Variants in TFEC observed in about 807,000 individuals in gnomAD.
TFEC encodes transcription factor EC.
A neutral mutation model predicts 41.6 loss-of-function variants in TFEC; 31 were observed. The observed-to-expected ratio is 0.74, with a 90% confidence interval of 0.56 to 1.01. The LOEUF is 1.01. Ranked by LOEUF, TFEC falls within the 50% of genes least tolerant of loss-of-function variation. The pLI, the probability that TFEC is intolerant of heterozygous loss-of-function variation, is 0.00. For synonymous variants in TFEC, 143 were observed against 140.6 expected (o/e 1.02, Z -0.12); for missense variants, 402 against 404.1 (o/e 0.99, Z 0.04).
In TFEC at chr7:115,940,409, T is replaced by C. The variant is rs536035955; in HGVS notation, c.*142A>G. On this transcript the variant is annotated 3_prime_UTR_variant, in exon 8 of 8. Transcript: ENST00000265440. ...TGATTTTTCTTCCTGCGAATTCTTC[T>C]GTTGCTTCTATCAGTTTTTCATGAA... is the stretch of plus-strand genomic sequence containing the variant. 40 of 893,826 alleles carry C rather than the reference T, an allele frequency of 4.5e-5. No homozygotes were observed. The South Asian group carries it at 8.5e-4, about 19-fold the overall frequency. 55.4% of individuals were successfully genotyped at this position (893,826 alleles called of 1,614,324 possible).
At chr7:116,073,511 G>A (rs1796880070) in intron 3 of TFEC, among the ~76,000 whole-genome samples, 1 of 151,286 alleles carries the variant, frequency 6.6e-6, no homozygotes, top group Admixed American at 6.6e-5. Context: ...GTAGGTTGCA[G>A]CAAACTACCA....
chr7:116,022,368 A>G (rs1795429263), intron 1 of TFEC, among the ~76,000 whole-genome samples: 1 of 152,198 alleles, frequency 6.6e-6, no homozygotes, highest in Non-Finnish European at 1.5e-5. Flanking sequence ...ATGCAGTCTA[A>G]TGCATGTTAA....
chr7:116,079,985 A>G (rs1797050745), intron 3 of TFEC, among the ~76,000 whole-genome samples: 1 of 152,180 alleles, frequency 6.6e-6, no homozygotes. Context: ...AAATAGGCAC[A>G]TAGACCAATG....
At chr7:116,125,330 C>A (rs1798187516) in intron 1 of TFEC, among the ~76,000 whole-genome samples, 1 of 152,070 alleles carries the variant, frequency 6.6e-6, no homozygotes, top group African/African-American at 2.4e-5. Context: ...TTAGTTCATT[C>A]CTTTTAGTAT....
At chr7:116,050,810 G>A (rs1056407633) in intron 3 of TFEC, among the ~76,000 whole-genome samples, 3 of 152,152 alleles carry the variant, frequency 2.0e-5, no homozygotes, top group Non-Finnish European at 4.4e-5. Context: ...TATACCCAAA[G>A]GACTATAAAT....
intron 1 of TFEC, among the ~76,000 whole-genome samples, chr7:116,126,940 T>C (rs1436415962): frequency 6.6e-6 from 1 of 152,154 alleles, no homozygotes; most frequent in African/African-American, 2.4e-5. Context: ...ATAAATTAAA[T>C]AAATAAATAT....
chr7:116,028,069 G>A (rs1026564185), intron 1 of TFEC, among the ~76,000 whole-genome samples: 2 of 152,112 alleles, frequency 1.3e-5, no homozygotes, highest in African/African-American at 4.8e-5. Flanking sequence ...GTCACCTGAG[G>A]AGATTCTACA....
At chr7:116,043,154 G>A (rs1222212109) in intron 3 of TFEC, among the ~76,000 whole-genome samples, 1 of 152,110 alleles carries the variant, frequency 6.6e-6, no homozygotes, top group Non-Finnish European at 1.5e-5. Flanking sequence ...ATGCATTAAA[G>A]CAACAATATC....
At chr7:116,156,421 T>C (rs1798872060) in intron 1 of TFEC, among the ~76,000 whole-genome samples, 1 of 152,180 alleles carries the variant, frequency 6.6e-6, no homozygotes, top group South Asian at 2.1e-4. Flanking sequence ...GTCCTACTTC[T>C]AAGATTATAA....
rs544086100 is a variant in TFEC at position 115,956,767 on chromosome 7, A to G, written c.294T>C (p.Tyr98=). 29 of 1,592,374 alleles carry G rather than the reference A, an allele frequency of 1.8e-5. No homozygotes were observed. The East Asian group carries it at 2.0e-4, about 11-fold the overall frequency. Residue 98 remains tyrosine, a synonymous_variant, in exon 4 of 8, where the codon TAT becomes TAC. Coordinates refer to ENST00000265440, the MANE Select transcript of TFEC (RefSeq NM_012252.4). The part of the protein sequence containing the change: ...RTLSGSILDV[Y]SGEQGISPIN... ...TTGGTGAAATTCCTTGTTCACCGCT[A>G]TACACATCCAAAATACTTCCAGATA... is the stretch of plus-strand genomic sequence containing the variant.
At chr7:116,131,811 C>T (rs1798338676) in intron 1 of TFEC, among the ~76,000 whole-genome samples, 1 of 152,062 alleles carries the variant, frequency 6.6e-6, no homozygotes, top group African/African-American at 2.4e-5. Context: ...GTATCCATTG[C>T]AATAATGATT....
chr7:115,973,978 A>T (rs1167195511), intron 3 of TFEC, among the ~76,000 whole-genome samples, 192 bp downstream of exon 3: 1 of 152,054 alleles, frequency 6.6e-6, no homozygotes, highest in Non-Finnish European at 1.5e-5. Flanking sequence ...GAGAGAGATT[A>T]GTACAAGCAC....
intron 1 of TFEC, among the ~76,000 whole-genome samples, chr7:116,029,370 C>T (rs573082360): frequency 6.6e-6 from 1 of 152,210 alleles, no homozygotes; most frequent in South Asian, 2.1e-4. Context: ...AAGTGCACTG[C>T]TACACTCAGA....
chr7:116,074,719 T>C (rs1035597898), intron 3 of TFEC, among the ~76,000 whole-genome samples: 2 of 152,070 alleles, frequency 1.3e-5, no homozygotes, highest in African/African-American at 4.8e-5. Context: ...GTATGAAACA[T>C]AGGGTTACCA....
intron 1 of TFEC, among the ~76,000 whole-genome samples, chr7:116,143,274 G>T (rs1015239399): frequency 7.2e-5 from 11 of 152,124 alleles, no homozygotes; most frequent in African/African-American, 2.4e-4. Context: ...CAGACCACCT[G>T]CCTGACTTTG....
At chr7:115,968,221 AG>A (rs1792962334) in intron 3 of TFEC, 1 of 1,531,518 alleles carries the variant, frequency 6.5e-7, no homozygotes, top group African/African-American at 1.4e-5. Context: ...CCTTCACAAT[AG>A]CAATGGTTTT....
intron 1 of TFEC, among the ~76,000 whole-genome samples, chr7:116,004,120 T>C (rs1794700112): frequency 6.6e-6 from 1 of 151,838 alleles, no homozygotes; most frequent in Admixed American, 6.6e-5. Context: ...AAAGGAATAA[T>C]AACAATTAAA....
At chr7:116,148,465 G>A (rs1798688316) in intron 1 of TFEC, among the ~76,000 whole-genome samples, 1 of 152,172 alleles carries the variant, frequency 6.6e-6, no homozygotes, top group South Asian at 2.1e-4. Flanking sequence ...GTGGTGAGAA[G>A]TGGTTGTTTC....
At chr7:115,960,938 C>A (rs1792512170) in intron 3 of TFEC, among the ~76,000 whole-genome samples, 1 of 151,516 alleles carries the variant, frequency 6.6e-6, no homozygotes, top group Admixed American at 6.6e-5. Flanking sequence ...AGTCACTATT[C>A]CTAAAAGGTA....
Sources: gnomAD v4.1 joint callset for allele counts (sites outside exome capture counted in the v4.1 genomes callset) on GRCh38, gnomAD v4.1.1 for gene constraint, MANE v1.5 for transcripts, NCBI Gene and HGNC (gene_info 2026-07-23, HGNC 2026-07-21) for gene names.